The following TEX13A variants were observed in gnomAD, a reference collection of about 807,000 sequenced individuals.
TEX13A encodes testis expressed 13A, also known as testis-expressed protein 13A.
A neutral mutation model predicts 7.1 loss-of-function variants in TEX13A; 8 were observed. That is an observed-to-expected ratio of 1.12 (90% CI 0.66 to 2.03). The LOEUF is 2.03. TEX13A is among the 30% of genes most tolerant of loss of function. The pLI, the probability that TEX13A is intolerant of heterozygous loss-of-function variation, is 0.00. For missense variants in TEX13A, 362 were observed against 332.2 expected, an observed-to-expected ratio of 1.09 and a Z score of -0.70; for synonymous variants, 151 against 134.2, an observed-to-expected ratio of 1.13 and a Z score of -0.87.
At position 105,219,758 on chromosome X, in the gene TEX13A, C is replaced by T. The variant is rs782719981; in HGVS notation, c.436G>A (p.Glu146Lys). 1.7e-6 allele frequency: 2 copies of T among 1,199,054 alleles called. No individual in the cohort carries two copies. Among genetic ancestry groups the T allele is most frequent in the African/African-American group, 1.8e-5 (1 of 56,900 alleles). ...TCCCACTCATGGGGAGACACCAGCT[C>T]CTGGAGAGAAGTGGGCAGGGCTGAG... ...LVEVQKERDK[E>K]LVSPHEWEQG... is the part of the protein sequence containing the mutation. Residue 146 changes from glutamate (E) to lysine (K), a missense_variant and splice_region_variant, in exon 3 of 3, where the codon GAG (glutamate) becomes AAG (lysine). Transcript: ENST00000600991.
chrX:105,219,168 G>A lies in TEX13A; in HGVS notation c.1026C>T (p.Ser342=). 2.5e-6 allele frequency: 3 copies of A among 1,211,280 alleles called. No individual in the cohort carries two copies. Among genetic ancestry groups the A allele is most frequent in the South Asian group, 1.8e-5 (1 of 56,968 alleles). The change falls in exon 3 of 3, where the codon AGC becomes AGT. Residue 342 remains serine (S), a synonymous_variant. Coordinates refer to ENST00000600991, the MANE Select transcript of TEX13A (RefSeq NM_031274.5). ...TGTGGGGCCCCCCATCAGACCACAGGCTAGTATCAAAGGCCTCCCAGTCGG... is the reference window on the plus strand; with the variant it reads ...TGTGGGGCCCCCCATCAGACCACAGACTAGTATCAAAGGCCTCCCAGTCGG... The part of the protein sequence containing the change: ...LPSDWEAFDT[S]LWSDGGPHRI...
chrX:105,220,078 A>G lies in TEX13A; in HGVS notation c.320T>C (p.Leu107Ser). The G allele has an allele frequency of 2.5e-6, 3 of 1,211,384 alleles. No individual in the cohort carries two copies. The highest frequency in any genetic ancestry group is 3.4e-6 in the Non-Finnish European group (3 of 895,234). The change falls in exon 2 of 3, where the codon TTG (leucine) becomes TCG (serine). Residue 107 changes from leucine to serine, a missense_variant. Physicochemically the swap from Leu to Ser is moderately radical, Grantham distance 145 (BLOSUM62 -2). Coordinates refer to ENST00000600991, the MANE Select transcript of TEX13A (RefSeq NM_031274.5). The part of the protein sequence containing the change: ...AKLHKSAAQA[L>S]ASDLKKLREQ... ...CCTGAGCTTCTTCAGGTCTGATGCC[A>G]AGGCCTGTGCGGCTGATTTGTGCAG...
At chrX:105,220,506 T>C in intron 1 of TEX13A, 77 bp from the exon 2 acceptor site, 1 of 757,633 alleles carries the variant, frequency 1.3e-6, no homozygotes. Flanking sequence ...CCCGCCCTCT[T>C]GTCCCCGCCC....
chrX:105,219,992 G>T lies in TEX13A; in HGVS notation c.406C>A (p.Leu136Ile), dbSNP rs1219219851. ...TCTCTCTCTTTCTGCACCTCCACGA[G>T]GCTGGTCTGGGCCATTCTTAGCCGG... ...ASRLRMAQTS[L>I]VEVQKERDKE... The change falls in exon 2 of 3, where the codon CTC (leucine) becomes ATC (isoleucine). Residue 136 changes from leucine to isoleucine, a missense_variant. Coordinates refer to ENST00000600991, the MANE Select transcript of TEX13A (RefSeq NM_031274.5). 1 of 1,207,443 alleles carries T rather than the reference G, an allele frequency of 8.3e-7. No individual in the cohort carries two copies. Among genetic ancestry groups the T allele is most frequent in the Non-Finnish European group, 1.1e-6 (1 of 892,846 alleles).
At chrX:105,219,849 G>A (rs886487840) in intron 2 of TEX13A, 91 bp from the exon 3 acceptor site, 21 of 1,076,049 alleles carry the variant, frequency 2.0e-5, no homozygotes, top group Admixed American at 1.0e-4. Context: ...TGGGAAGGGC[G>A]GGGCAGGGCG....
At chrX:105,219,923 AG>A in intron 2 of TEX13A, 39 bp downstream of exon 2, 3 of 1,148,842 alleles carry the variant, frequency 2.6e-6, no homozygotes, top group Non-Finnish European at 3.5e-6. Flanking sequence ...GGCAGGGACC[AG>A]TTGAGGGATC....
chrX:105,220,003 G>T lies in TEX13A; in HGVS notation c.395C>A (p.Ala132Asp). 1 of 1,209,956 alleles carries T rather than the reference G, an allele frequency of 8.3e-7. No homozygotes were observed. Residue 132 changes from alanine to aspartate, a missense_variant, in exon 2 of 3, where the codon GCC (alanine) becomes GAC (aspartate). Ala to Asp is a moderately radical substitution (Grantham distance 126). Transcript: ENST00000600991. ...CTGCACCTCCACGAGGCTGGTCTGG[G>T]CCATTCTTAGCCGGGAGGCCGCCTC... ...RKEAASRLRM[A>D]QTSLVEVQKE... is the part of the protein sequence containing the mutation.
At position 105,220,132 on chromosome X, in the gene TEX13A, C is replaced by A. The variant is rs2147626189; in HGVS notation, c.266G>T (p.Arg89Met). 1 of 1,211,760 alleles carries A rather than the reference C, an allele frequency of 8.3e-7. No homozygotes were observed. Among genetic ancestry groups the A allele is most frequent in the East Asian group, 3.0e-5 (1 of 33,800 alleles). The change falls in exon 2 of 3, where the codon AGG (arginine) becomes ATG (methionine). Residue 89 changes from arginine (R) to methionine (M), a missense_variant. Transcript: ENST00000600991. ...GGCGAAGCCGTGCAGCCACCGCACC[C>A]TGTGCCTTTGTAGCTGTGCCTGCCT... is the stretch of plus-strand genomic sequence containing the variant. Reference protein sequence around the residue: ...AHRQAQLQRHRVRWLHGFAKL... With the variant: ...AHRQAQLQRHMVRWLHGFAKL...
chrX:105,219,957 A>T lies in TEX13A; in HGVS notation c.435+6T>A. Reference sequence around the variant, plus strand: ...ATCTTACTGCATGGAGCGGCTTCCAACTCACCTTGTCTCTCTCTTTCTGCA... The same window carrying T: ...ATCTTACTGCATGGAGCGGCTTCCATCTCACCTTGTCTCTCTCTTTCTGCA... On this transcript the variant is annotated splice_donor_region_variant and intron_variant, in intron 2 of 2. Transcript: ENST00000600991. The T allele has an allele frequency of 8.4e-7, 1 of 1,191,583 alleles. No individual in the cohort carries two copies. Among genetic ancestry groups the T allele is most frequent in the Non-Finnish European group, 1.1e-6 (1 of 885,249 alleles).
At chrX:105,219,881 A>C (rs2033931492) in intron 2 of TEX13A, 82 bp downstream of exon 2, 5 of 976,458 alleles carry the variant, frequency 5.1e-6, no homozygotes, top group Non-Finnish European at 7.0e-6. Context: ...CAGGGTGGAG[A>C]GGGGTGGGAA....
In TEX13A at chrX:105,219,345, G is replaced by A. The variant is rs782607139; in HGVS notation, c.849C>T (p.Pro283=). ...GAGGTTCTGATGAGGCTCTGGACCAGGGGTTCGTGGTTCCAGAGAAATAAG... is the reference window on the plus strand; with the variant it reads ...GAGGTTCTGATGAGGCTCTGGACCAAGGGTTCGTGGTTCCAGAGAAATAAG... ...ATSYFSGTTN[P]WSRASSEPLP... Residue 283 remains proline (P), a synonymous_variant, in exon 3 of 3, where the codon CCC becomes CCT. Coordinates refer to ENST00000600991, the MANE Select transcript of TEX13A (RefSeq NM_031274.5). The A allele has an allele frequency of 1.7e-6, 2 of 1,211,386 alleles. No individual in the cohort carries two copies. The highest frequency in any genetic ancestry group is 3.0e-5 in the East Asian group (1 of 33,809).
In TEX13A at chrX:105,219,522, C is replaced by A. The variant is rs1030414025; in HGVS notation, c.672G>T (p.Gln224His). Residue 224 changes from glutamine to histidine, a missense_variant, in exon 3 of 3, where the codon CAG becomes CAT. Gln to His is a conservative substitution (Grantham distance 24). Transcript: ENST00000600991. ...CAGCCCTGGCCTCCACGTGGGGGAA[C>A]TGGGTCTCCATGGGGGCAGCCCCAG... ...VEAGAAPMET[Q>H]FPHVEARAAS... The A allele has an allele frequency of 1.7e-6, 2 of 1,209,606 alleles. No individual in the cohort carries two copies. Among genetic ancestry groups the A allele is most frequent in the Non-Finnish European group, 2.2e-6 (2 of 895,195 alleles).
chrX:105,219,981 C>A lies in TEX13A; in HGVS notation c.417G>T (p.Val139=). 8.3e-7 allele frequency: 1 copy of A among 1,202,591 alleles called. No individual in the cohort carries two copies. The highest frequency in any genetic ancestry group is 1.1e-6 in the Non-Finnish European group (1 of 890,422). Residue 139 remains valine, a synonymous_variant, in exon 2 of 3, where the codon GTG becomes GTT. Transcript: ENST00000600991. ...LRMAQTSLVE[V]QKERDKELVS... ...AACTCACCTTGTCTCTCTCTTTCTG[C>A]ACCTCCACGAGGCTGGTCTGGGCCA...
At position 105,218,954 on chromosome X, in the gene TEX13A, A is replaced by G. The variant is rs138864135; in HGVS notation, c.*10T>C. On this transcript the variant is annotated 3_prime_UTR_variant, in exon 3 of 3. Transcript: ENST00000600991. ...TATACATGCTTCGGTTCTATTTTGC[A>G]TTTCTGCACTCAATGAGGTTTTTGC... 12,084 of 1,193,233 alleles carry G rather than the reference A, an allele frequency of 0.01. 61 individuals carry two copies. Among genetic ancestry groups the G allele is most frequent in the Non-Finnish European group, 0.013 (11,155 of 885,132 alleles).
chrX:105,219,902 C>G (rs782365807), intron 2 of TEX13A, 61 bp downstream of exon 2: 1 of 1,113,862 alleles, frequency 9.0e-7, no homozygotes, highest in African/African-American at 1.8e-5. Flanking sequence ...TGGGGCAGGG[C>G]AGTGGTACTG....
Position 105,219,383 on chromosome X carries a change from C to T in TEX13A, c.811G>A (p.Glu271Lys), listed in dbSNP as rs782232598. The T allele has an allele frequency of 2.9e-5, 35 of 1,208,414 alleles. No individual in the cohort carries two copies. Among genetic ancestry groups the T allele is most frequent in the Admixed American group, 2.0e-4 (9 of 45,598 alleles). Residue 271 changes from glutamate (E) to lysine (K), a missense_variant, in exon 3 of 3, where the codon GAA (glutamate) becomes AAA (lysine). Transcript: ENST00000600991. ...GQKEGDLRSV[E>K]TATSYFSGTT... ...CCAGAGAAATAAGATGTGGCTGTTT[C>T]GACCGACCGGAGATCTCCCTCCTTC...
Position 105,220,017 on chromosome X carries a change from G to A in TEX13A, c.381C>T (p.Ser127=). The A allele has an allele frequency of 8.3e-7, 1 of 1,210,760 alleles. No individual in the cohort carries two copies. The highest frequency in any genetic ancestry group is 1.1e-6 in the Non-Finnish European group (1 of 894,862). ...GGCTGGTCTGGGCCATTCTTAGCCG[G>A]GAGGCCGCCTCCTTGCGTTCCGTCT... is the stretch of plus-strand genomic sequence containing the variant. The part of the protein sequence containing the change: ...QQETERKEAA[S]RLRMAQTSLV... The change falls in exon 2 of 3, where the codon TCC becomes TCT. Residue 127 remains serine, a synonymous_variant. Coordinates refer to ENST00000600991, the MANE Select transcript of TEX13A (RefSeq NM_031274.5).
rs782320005 is a variant in TEX13A at position 105,219,533 on chromosome X, T to C, written c.661A>G (p.Met221Val). The change falls in exon 3 of 3, where the codon ATG becomes GTG. Residue 221 changes from methionine (M) to valine (V), a missense_variant. Transcript: ENST00000600991. Reference protein sequence around the residue: ...APPVEAGAAPMETQFPHVEAR... With the variant: ...APPVEAGAAPVETQFPHVEAR... The stretch of plus-strand genomic sequence containing the variant: ...TCCACGTGGGGGAACTGGGTCTCCA[T>C]GGGGGCAGCCCCAGCCTCCACAGGG... 1.2e-4 allele frequency: 145 copies of C among 1,206,592 alleles called. No homozygotes were observed. Among genetic ancestry groups the C allele is most frequent in the Non-Finnish European group, 1.5e-4 (136 of 894,516 alleles).
In TEX13A at chrX:105,219,949, G is replaced by A. The variant is rs371139667; in HGVS notation, c.435+14C>T. 2.4e-5 allele frequency: 28 copies of A among 1,184,505 alleles called. No individual in the cohort carries two copies. In the Admixed American group the frequency reaches 4.0e-4, roughly 17 times the overall value. On this transcript the variant is annotated intron_variant, in intron 2 of 2. Coordinates refer to ENST00000600991, the MANE Select transcript of TEX13A (RefSeq NM_031274.5). ...GTTGAGGGATCTTACTGCATGGAGC[G>A]GCTTCCAACTCACCTTGTCTCTCTC...
Sources: allele counts gnomAD v4.1 joint callset, GRCh38; gene constraint gnomAD v4.1.1; transcripts MANE v1.5; gene names NCBI Gene and HGNC (gene_info 2026-07-23, HGNC 2026-07-21).